Variants in LIPA observed in about 807,000 individuals in gnomAD.
LIPA encodes the protein lysosomal acid lipase/cholesteryl ester hydrolase.
LIPA carries 26 observed loss-of-function variants against 40.6 expected under a neutral mutation model. The observed-to-expected ratio is 0.64, with a 90% CI of 0.47 to 0.89. The LOEUF (loss-of-function observed/expected upper bound fraction) is 0.89, where lower values mean the gene tolerates loss of function less well. Ranked by LOEUF, LIPA falls within the 40% of genes least tolerant of loss-of-function variation. LIPA has a pLI of 0.00. For missense variants in LIPA, 455 were observed against 479.6 expected (o/e 0.95, Z 0.48); for synonymous variants, 188 against 168.4 (o/e 1.12, Z -0.90).
intron 1 of LIPA, among the ~76,000 whole-genome samples, chr10:89,250,702 T>G (rs115296299): frequency 6.6e-6 from 1 of 152,216 alleles, no homozygotes; most frequent in Non-Finnish European, 1.5e-5. Flanking sequence ...GGAAGGTCCA[T>G]GAGAGTAACA....
chr10:89,279,427 G>T (rs1843304742), intron 1 of LIPA, among the ~76,000 whole-genome samples: 1 of 152,200 alleles, frequency 6.6e-6, no homozygotes, highest in Non-Finnish European at 1.5e-5. Flanking sequence ...GAGTTTTGGA[G>T]AAGCATTCAG....
chr10:89,232,583 TGGTTTGAAACCAA>T (rs1443716030), intron 3 of LIPA, among the ~76,000 whole-genome samples: 7 of 152,148 alleles, frequency 4.6e-5, no homozygotes, highest in African/African-American at 1.7e-4. Context: ...AAGGCAGGAA[TGGTTTGAAACCAA>T]AGAGGGCCCT....
upstream of LIPA, among the ~76,000 whole-genome samples, chr10:89,347,299 C>T (rs1438325607): frequency 5.9e-5 from 9 of 152,328 alleles, no homozygotes; most frequent in South Asian, 1.2e-3. Context: ...AAGGGTTTTA[C>T]TGGGGACTGA....
chr10:89,283,679 C>G (rs1248906766), intron 1 of LIPA: 1 of 152,336 alleles, frequency 6.6e-6, no homozygotes, highest in Admixed American at 6.5e-5. Context: ...CCTTTCCCTC[C>G]AGCAGGAAAC....
At position 89,352,863 on chromosome 10, in the gene LIPA, T is replaced by C. The variant is rs190511925; in HGVS notation, c.61+59928A>G. On this transcript the variant is annotated intron_variant, in intron 2 of 8. Coordinates refer to the LIPA transcript ENST00000371837. ...TAAGGAAATTCCTTGTGGGCCTCAA[T>C]ATCTTTACCCTAAAAACAGTTCTGT... 9.3e-5 allele frequency among the ~76,000 whole-genome samples: 14 copies of C among 150,028 alleles called. No homozygotes were observed. In the East Asian group the frequency reaches 2.8e-3, roughly 30 times the overall value.
At chr10:89,385,272 T>C (rs137880506) in intron 2 of LIPA, 23 of 153,452 alleles carry the variant, frequency 1.5e-4, no homozygotes, top group African/African-American at 5.3e-4. Context: ...CAAAAATGTA[T>C]AGTCTGATGA....
At chr10:89,218,196 T>A (rs1842652338) in intron 8 of LIPA, among the ~76,000 whole-genome samples, 1 of 152,240 alleles carries the variant, frequency 6.6e-6, no homozygotes, top group Admixed American at 6.5e-5. Flanking sequence ...GTTCAACTTT[T>A]CTAAAGTACA....
At chr10:89,351,744 G>A (rs1199707810) in intron 2 of LIPA, among the ~76,000 whole-genome samples, 1 of 152,174 alleles carries the variant, frequency 6.6e-6, no homozygotes, top group African/African-American at 2.4e-5. Context: ...TGCTTTCCCA[G>A]GCCCTTTTTA....
chr10:89,307,611 A>G, intron 1 of LIPA: 1 of 405,250 alleles, frequency 2.5e-6, no homozygotes, highest in Non-Finnish European at 4.4e-6. Flanking sequence ...TGATAGAATT[A>G]TTTCTCGATT....
At chr10:89,280,036 A>C (rs1000165977) in intron 1 of LIPA, among the ~76,000 whole-genome samples, 5 of 152,210 alleles carry the variant, frequency 3.3e-5, no homozygotes, top group African/African-American at 1.2e-4. Context: ...TTAATTAAAC[A>C]TTAAAATATG....
At chr10:89,380,876 A>G (rs73369738) in intron 2 of LIPA, among the ~76,000 whole-genome samples, 5,160 of 152,274 alleles carry the variant, frequency 0.034, 301 homozygotes, top group African/African-American at 0.12. Flanking sequence ...TAGTCTTCCC[A>G]GGGCCCAAGT....
chr10:89,251,177 C>A (rs1843114185), intron 1 of LIPA, among the ~76,000 whole-genome samples: 1 of 152,218 alleles, frequency 6.6e-6, no homozygotes, highest in Non-Finnish European at 1.5e-5. Flanking sequence ...AATTACTCCT[C>A]CACCGACCCT....
intron 1 of LIPA, among the ~76,000 whole-genome samples, chr10:89,311,777 C>G (rs542914766): frequency 6.6e-6 from 1 of 152,274 alleles, no homozygotes; most frequent in South Asian, 2.1e-4. Flanking sequence ...TTTCCACTAG[C>G]AATGTATGAG....
chr10:89,245,763 T>G lies in LIPA; in HGVS notation c.142A>C (p.Ser48Arg). ...TCTGTCTCAACTAGGTATTCCTCACTAGGGAATCCCCAGTAAGAGATAATT... is the reference window on the plus strand; with the variant it reads ...TCTGTCTCAACTAGGTATTCCTCACGAGGGAATCCCCAGTAAGAGATAATT... ...SEIISYWGFP[S>R]EEYLVETEDG... Residue 48 changes from serine to arginine, a missense_variant, in exon 3 of 10, where the codon AGT (serine) becomes CGT (arginine). By Grantham distance (110) the Ser-to-Arg change is moderately radical (BLOSUM62 -1). Coordinates refer to ENST00000336233, the MANE Select transcript of LIPA (RefSeq NM_000235.4). 1 of 1,593,636 alleles carries G rather than the reference T, an allele frequency of 6.3e-7. No individual in the cohort carries two copies. Among genetic ancestry groups the G allele is most frequent in the Non-Finnish European group, 8.6e-7 (1 of 1,161,384 alleles).
chr10:89,403,506 G>A, intron 2 of LIPA: 1 of 1,612,716 alleles, frequency 6.2e-7, no homozygotes, highest in Non-Finnish European at 8.5e-7. Flanking sequence ...AATAGAACAG[G>A]CATCATTAAC....
At chr10:89,383,620 T>G (rs199728338) in intron 2 of LIPA, 34 of 1,614,108 alleles carry the variant, frequency 2.1e-5, no homozygotes, top group Non-Finnish European at 2.8e-5. Context: ...CAACTTTGCC[T>G]GGGTGTATTA....
chr10:89,321,615 T>A (rs1843572683), intron 1 of LIPA, among the ~76,000 whole-genome samples: 1 of 152,358 alleles, frequency 6.6e-6, no homozygotes, highest in African/African-American at 2.4e-5. Context: ...TTTTACACTG[T>A]TGGTAGGACT....
At chr10:89,352,314 C>T (rs1406422745) in intron 2 of LIPA, among the ~76,000 whole-genome samples, 1 of 152,158 alleles carries the variant, frequency 6.6e-6, no homozygotes, top group African/African-American at 2.4e-5. Context: ...ATGTCCTCTA[C>T]CTCACCTTTT....
At chr10:89,220,581 C>T (rs972690224) in intron 8 of LIPA, among the ~76,000 whole-genome samples, 1 of 152,148 alleles carries the variant, frequency 6.6e-6, no homozygotes, top group Non-Finnish European at 1.5e-5. Flanking sequence ...CTGTTCAGCA[C>T]GTCATGAACT....
Sources: gnomAD v4.1 joint callset for allele counts (sites outside exome capture counted in the v4.1 genomes callset) on GRCh38, gnomAD v4.1.1 for gene constraint, MANE v1.5 for transcripts, NCBI Gene and HGNC (gene_info 2026-07-23, HGNC 2026-07-21) for gene names.